Variants in SYN2 observed in about 807,000 individuals in gnomAD.
The protein encoded by SYN2 is synapsin-2.
A neutral mutation model predicts 50.9 loss-of-function variants in SYN2; 19 were observed. That is an observed-to-expected ratio of 0.37 (90% CI 0.26 to 0.55). The LOEUF (loss-of-function observed/expected upper bound fraction) is 0.55, where lower values mean the gene tolerates loss of function less well. Among genes scored for constraint, SYN2 ranks in the 20% least tolerant of loss-of-function variants. The pLI, the probability that SYN2 is intolerant of heterozygous loss-of-function variation, is 0.81. For synonymous variants in SYN2, 255 were observed against 224.9 expected, an observed-to-expected ratio of 1.13 and a Z score of -1.20; for missense variants, 587 against 576.4, an observed-to-expected ratio of 1.02 and a Z score of -0.19.
At chr3:12,159,207 CTG>C (rs973342201) in intron 5 of SYN2, 2 of 236,948 alleles carry the variant, frequency 8.4e-6, no homozygotes, top group Admixed American at 1.1e-4. Flanking sequence ...GACAGAAAAA[CTG>C]AGGGCTGTGA....
At chr3:12,015,372 A>G (rs555229453) in intron 1 of SYN2, among the ~76,000 whole-genome samples, 8 of 152,310 alleles carry the variant, frequency 5.3e-5, no homozygotes, top group Admixed American at 1.3e-4. Flanking sequence ...GGCAGTGACT[A>G]TAACTTTTAT....
intron 1 of SYN2, among the ~76,000 whole-genome samples, chr3:12,083,832 G>A (rs1403781523): frequency 3.3e-5 from 5 of 152,128 alleles, no homozygotes; most frequent in Non-Finnish European, 7.4e-5. Flanking sequence ...CATCTACCTA[G>A]CAGAATTACC....
At chr3:12,051,036 C>T (rs1559399867) in intron 1 of SYN2, among the ~76,000 whole-genome samples, 6 of 151,646 alleles carry the variant, frequency 4.0e-5, no homozygotes, top group Non-Finnish European at 1.5e-5. Flanking sequence ...CGCCCGGCCT[C>T]TTTTTTTTAT....
At chr3:12,187,303 A>G in intron 11 of SYN2, 66 bp from the exon 12 acceptor site, 17 of 1,466,478 alleles carry the variant, frequency 1.2e-5, no homozygotes, top group Non-Finnish European at 1.5e-5. Context: ...CCTTTGAGGC[A>G]TAAATTCTAA....
At chr3:12,030,425 A>G (rs1276821401) in intron 1 of SYN2, among the ~76,000 whole-genome samples, 5 of 130,188 alleles carry the variant, frequency 3.8e-5, no homozygotes, top group East Asian at 4.7e-4. Flanking sequence ...CTCTTTTTCT[A>G]TTGATTGGAA....
intron 1 of SYN2, among the ~76,000 whole-genome samples, chr3:12,092,998 G>C (rs1695860794): frequency 6.6e-6 from 1 of 152,092 alleles, no homozygotes; most frequent in Non-Finnish European, 1.5e-5. Flanking sequence ...TAGCCATCCT[G>C]ATTACTTTTC....
At chr3:12,149,714 A>G (rs1268023624) in intron 4 of SYN2, among the ~76,000 whole-genome samples, 1 of 152,132 alleles carries the variant, frequency 6.6e-6, no homozygotes, top group African/African-American at 2.4e-5. Flanking sequence ...GAGGCCCTAG[A>G]GCTCTAGAGT....
Position 12,161,531 on chromosome 3 carries a change from C to T in SYN2, c.775-15C>T, listed in dbSNP as rs949972081. 14 of 1,613,922 alleles carry T rather than the reference C, an allele frequency of 8.7e-6. No individual in the cohort carries two copies. Among genetic ancestry groups the T allele is most frequent in the Non-Finnish European group, 1.2e-5 (14 of 1,179,846 alleles). ...GCACACTCTGACAGTTTATTCATTT[C>T]TCTTCTGATTTCAGCTGACACTGCC... On this transcript the variant is annotated splice_polypyrimidine_tract_variant and intron_variant, in intron 5 of 12. Transcript: ENST00000621198.
chr3:12,114,266 C>T (rs752131634), intron 1 of SYN2, among the ~76,000 whole-genome samples: 2 of 152,062 alleles, frequency 1.3e-5, no homozygotes, highest in Non-Finnish European at 2.9e-5. Flanking sequence ...ACTATCTATT[C>T]AAGTCCTTTG....
At position 12,147,234 on chromosome 3, in the gene SYN2, A is replaced by T. The variant is rs75224020; in HGVS notation, c.684+1399A>T. Among the ~76,000 whole-genome samples, 292 of 152,252 alleles carry T rather than the reference A, an allele frequency of 1.9e-3. 3 individuals carry two copies. The highest frequency in any genetic ancestry group is 6.7e-3 in the African/African-American group (279 of 41,546). On this transcript the variant is annotated intron_variant, in intron 4 of 12. Coordinates refer to ENST00000621198, the MANE Select transcript of SYN2 (RefSeq NM_133625.6). ...GTGTGTGTATGTGTGTGTGTTAACC[A>T]AACAGATCTGTCACTTCTGATCTTG... is the stretch of plus-strand genomic sequence containing the variant.
chr3:12,144,162 T>C (rs1697091315), intron 3 of SYN2, among the ~76,000 whole-genome samples: 1 of 152,160 alleles, frequency 6.6e-6, no homozygotes, highest in Non-Finnish European at 1.5e-5. Context: ...GGGGCCGTGG[T>C]CCTCTGGAAT....
At chr3:12,009,744 A>G (rs766065675) in intron 1 of SYN2, among the ~76,000 whole-genome samples, 10 of 152,244 alleles carry the variant, frequency 6.6e-5, no homozygotes, top group Non-Finnish European at 1.5e-4. Context: ...GACACCAGCA[A>G]TTACACTATT....
Position 12,070,923 on chromosome 3 carries a change from C to T in SYN2, c.377+65995C>T, listed in dbSNP as rs541745101. 2.9e-4 allele frequency: 159 copies of T among 555,952 alleles called. 3 individuals carry two copies. Among genetic ancestry groups the T allele is most frequent in the South Asian group, 1.8e-3 (126 of 68,704 alleles). 34.4% of individuals were successfully genotyped at this position (555,952 alleles called of 1,614,324 possible). A position where few individuals can be genotyped will look rare whatever the true frequency, so the allele number is the denominator to read the frequency against. ...TGGACTTCGAACAGGAGATGGCCAC[C>T]GCCGCATCCTCCTCCTCTCTGGAGA... is the stretch of plus-strand genomic sequence containing the variant. On this transcript the variant is annotated intron_variant, in intron 1 of 12. Transcript: ENST00000621198.
intron 1 of SYN2, among the ~76,000 whole-genome samples, chr3:12,069,679 C>A (rs1695298929): frequency 6.6e-6 from 1 of 152,118 alleles, no homozygotes; most frequent in African/African-American, 2.4e-5. Flanking sequence ...ACATTTCCAC[C>A]AGCAGTTTGT....
chr3:12,049,258 C>T (rs746660189), intron 1 of SYN2, among the ~76,000 whole-genome samples: 1 of 151,954 alleles, frequency 6.6e-6, no homozygotes, highest in Non-Finnish European at 1.5e-5. Context: ...GTGGCTCATG[C>T]CCATAATCCT....
intron 1 of SYN2, among the ~76,000 whole-genome samples, chr3:12,124,425 G>A (rs534327450): frequency 6.6e-6 from 1 of 152,056 alleles, no homozygotes; most frequent in Admixed American, 6.5e-5. Flanking sequence ...AGAAGTTAAG[G>A]CTAACCACAA....
intron 1 of SYN2, among the ~76,000 whole-genome samples, chr3:12,008,289 T>A (rs550370169): frequency 1.3e-5 from 2 of 152,322 alleles, no homozygotes; most frequent in African/African-American, 4.8e-5. Flanking sequence ...GTGTCCAGAC[T>A]GCAGATATAA....
At chr3:12,049,893 G>C (rs1364071262) in intron 1 of SYN2, among the ~76,000 whole-genome samples, 1 of 152,150 alleles carries the variant, frequency 6.6e-6, no homozygotes, top group African/African-American at 2.4e-5. Flanking sequence ...GCAGGCACCA[G>C]AACTGTGCAA....
intron 1 of SYN2, among the ~76,000 whole-genome samples, chr3:12,016,781 G>A (rs1287377470): frequency 6.6e-6 from 1 of 152,122 alleles, no homozygotes; most frequent in East Asian, 1.9e-4. Flanking sequence ...GCTTGAACTT[G>A]GAAGGTGGTG....
Sources: allele counts gnomAD v4.1 joint callset (sites outside exome capture counted in the v4.1 genomes callset), GRCh38; gene constraint gnomAD v4.1.1; transcripts MANE v1.5; gene names NCBI Gene and HGNC (gene_info 2026-07-23, HGNC 2026-07-21).